The following BTAF1 variants were observed in gnomAD, a reference collection of about 807,000 sequenced individuals.
BTAF1 encodes B-TFIID TATA-box binding protein associated factor 1.
In BTAF1, 38 loss-of-function variants were observed where a neutral mutation model predicts 227.1. The ratio of observed to expected loss-of-function variants is 0.17; its 90% CI spans 0.13 to 0.22. BTAF1 has a LOEUF of 0.22. Ranked by LOEUF, BTAF1 falls within the 10% of genes least tolerant of loss-of-function variation. The pLI is 1.00. For synonymous variants in BTAF1, 742 were observed against 751.9 expected (o/e 0.99, Z 0.21); for missense variants, 1,598 against 2,204.0 (o/e 0.73, Z 5.51).
chr10:91,936,647 AGAGACAGT>A (rs1416040576), intron 2 of BTAF1, among the ~76,000 whole-genome samples: 2 of 152,188 alleles, frequency 1.3e-5, no homozygotes, highest in African/African-American at 4.8e-5. Flanking sequence ...ATGTAGATGG[AGAGACAGT>A]GATTTGATAC....
rs570059800 is a variant in BTAF1, at chr10:92,021,787, G to A, written c.4863+2852G>A. Among the ~76,000 whole-genome samples, 8 of 152,038 alleles carry A rather than the reference G, an allele frequency of 5.3e-5. No individual in the cohort carries two copies. In the South Asian group the frequency reaches 6.2e-4, roughly 12 times the overall value. On this transcript the variant is annotated intron_variant, in intron 34 of 37. Transcript: ENST00000265990. The stretch of plus-strand genomic sequence containing the variant: ...TCTCGCTCTCCTGACCTCATGATCC[G>A]CCTGCCTGGGCCTCCTAAAGTGCTG...
intron 6 of BTAF1, 144 bp downstream of exon 6, chr10:91,954,017 A>G: frequency 3.3e-6 from 4 of 1,207,286 alleles, no homozygotes; most frequent in South Asian, 3.1e-5. Flanking sequence ...GTCAGAGAGT[A>G]TTCATTGTAC....
At chr10:92,015,613 GTCA>G (rs1850664338) in intron 32 of BTAF1, among the ~76,000 whole-genome samples, 1 of 150,702 alleles carries the variant, frequency 6.6e-6, no homozygotes, top group South Asian at 2.1e-4. Flanking sequence ...AGGAAAAGAT[GTCA>G]TGTGAAAAAA....
intron 35 of BTAF1, among the ~76,000 whole-genome samples, 160 bp downstream of exon 35, chr10:92,025,127 A>G (rs1218535427): frequency 1.3e-5 from 2 of 152,180 alleles, no homozygotes; most frequent in Non-Finnish European, 2.9e-5. Flanking sequence ...AGAACTACAT[A>G]AATATAATCG....
intron 4 of BTAF1, among the ~76,000 whole-genome samples, chr10:91,951,059 C>T (rs1845738717): frequency 6.6e-6 from 1 of 152,090 alleles, no homozygotes; most frequent in South Asian, 2.1e-4. Context: ...CTCCTGGGCT[C>T]AAGTGATCCT....
chr10:91,948,040 G>A (rs1390888964), intron 4 of BTAF1, among the ~76,000 whole-genome samples: 2 of 151,632 alleles, frequency 1.3e-5, no homozygotes, highest in East Asian at 1.9e-4. Context: ...TTAAGTTCTA[G>A]GGTACATGTG....
At chr10:92,014,675 AT>A (rs1247396177) in intron 32 of BTAF1, among the ~76,000 whole-genome samples, 1 of 152,208 alleles carries the variant, frequency 6.6e-6, no homozygotes, top group Non-Finnish European at 1.5e-5. Flanking sequence ...ATTAATCCCC[AT>A]TTTTGCAAAT....
At chr10:91,942,063 G>GCC (rs1845040220) in intron 3 of BTAF1, among the ~76,000 whole-genome samples, 1 of 152,164 alleles carries the variant, frequency 6.6e-6, no homozygotes, top group African/African-American at 2.4e-5. Context: ...GATTGCCTGA[G>GCC]CCCCAGAGTT....
chr10:92,007,992 C>A (rs781177243), intron 25 of BTAF1, 131 bp from the exon 26 acceptor site: 1 of 810,304 alleles, frequency 1.2e-6, no homozygotes, highest in East Asian at 2.9e-5. Context: ...ATTTCTTTAA[C>A]CTGATTTGTC....
At chr10:91,950,648 T>C (rs1845709874) in intron 4 of BTAF1, among the ~76,000 whole-genome samples, 1 of 152,170 alleles carries the variant, frequency 6.6e-6, no homozygotes, top group Non-Finnish European at 1.5e-5. Flanking sequence ...ATTCTCTTTA[T>C]TATTTGGGAT....
rs576695357 is a variant in BTAF1, at chr10:91,997,321, A to T, written c.3512-282A>T. The T allele has an allele frequency of 1.5e-4, 78 of 518,870 alleles. 1 individual carries two copies. The highest frequency in any genetic ancestry group is 9.7e-4 in the African/African-American group (49 of 50,668). The allele number at this position is 518,870 out of a possible 1,614,324, so 32.1% of individuals were successfully genotyped here. A position where few individuals can be genotyped will look rare whatever the true frequency, so the allele number is the denominator to read the frequency against. Reference sequence around the variant, plus strand: ...TCCAGACGCTTGTAGCAATTTCTCTATGAAAAAAATCTTATTGGTAAAGCT... The same window carrying T: ...TCCAGACGCTTGTAGCAATTTCTCTTTGAAAAAAATCTTATTGGTAAAGCT... On this transcript the variant is annotated intron_variant, in intron 24 of 37. Transcript: ENST00000265990.
chr10:92,028,078 C>T (rs1479550410), intron 37 of BTAF1, among the ~76,000 whole-genome samples: 1 of 152,094 alleles, frequency 6.6e-6, no homozygotes, highest in African/African-American at 2.4e-5. Flanking sequence ...AGAATGGAGG[C>T]AGGTTCTTCA....
At chr10:91,933,256 G>A (rs912595715) in intron 1 of BTAF1, among the ~76,000 whole-genome samples, 1 of 152,184 alleles carries the variant, frequency 6.6e-6, no homozygotes, top group South Asian at 2.1e-4. Context: ...GCCATTGAAA[G>A]TTTTAAAGTA....
intron 34 of BTAF1, among the ~76,000 whole-genome samples, chr10:92,024,062 A>G (rs12359037): frequency 0.27 from 41,823 of 152,216 alleles, 7,047 homozygotes; most frequent in Non-Finnish European, 0.38. Flanking sequence ...TCGCTCATTT[A>G]TTAATTGCAC....
intron 14 of BTAF1, among the ~76,000 whole-genome samples, chr10:91,974,101 T>C (rs1847515067): frequency 6.6e-6 from 1 of 152,206 alleles, no homozygotes; most frequent in Non-Finnish European, 1.5e-5. Flanking sequence ...CCTGAATTAC[T>C]AGTAGCTGTG....
intron 1 of BTAF1, among the ~76,000 whole-genome samples, chr10:91,931,037 G>A (rs1055343181): frequency 6.6e-5 from 10 of 152,110 alleles, no homozygotes; most frequent in Non-Finnish European, 1.0e-4. Flanking sequence ...TAACTATGAC[G>A]TAGTAATCTA....
At chr10:92,004,886 T>TA (rs1359960362) in intron 25 of BTAF1, among the ~76,000 whole-genome samples, 1 of 152,208 alleles carries the variant, frequency 6.6e-6, no homozygotes, top group East Asian at 1.9e-4. Context: ...TTTCCAGTCT[T>TA]ACATTTAATT....
At chr10:92,020,049 A>C (rs1851016107) in intron 34 of BTAF1, among the ~76,000 whole-genome samples, 9 of 152,010 alleles carry the variant, frequency 5.9e-5, no homozygotes, top group Admixed American at 3.9e-4. Flanking sequence ...TCTGGATATT[A>C]AACCCTTATC....
chr10:92,016,042 T>C (rs1433014780), intron 32 of BTAF1, among the ~76,000 whole-genome samples: 2 of 152,242 alleles, frequency 1.3e-5, no homozygotes, highest in Non-Finnish European at 1.5e-5. Flanking sequence ...ACTGGTAATG[T>C]ATTTATTTTC....
Sources: gnomAD v4.1 joint callset for allele counts (sites outside exome capture counted in the v4.1 genomes callset) on GRCh38, gnomAD v4.1.1 for gene constraint, MANE v1.5 for transcripts, NCBI Gene and HGNC (gene_info 2026-07-23, HGNC 2026-07-21) for gene names.